The following PEX26 variants were observed in gnomAD, a reference collection of about 807,000 sequenced individuals.
PEX26 encodes peroxisome assembly protein 26.
A neutral mutation model predicts 31.4 loss-of-function variants in PEX26; 18 were observed. That is an observed-to-expected ratio of 0.57 (90% confidence interval 0.40 to 0.85). PEX26 has a LOEUF of 0.85. PEX26 is among the 40% of genes least tolerant of loss of function. The probability of loss-of-function intolerance (pLI) is 0.00; values close to 1 mark genes in which losing one functional copy is unlikely to be tolerated. For missense variants in PEX26, 377 were observed against 383.9 expected, an observed-to-expected ratio of 0.98 and a Z score of 0.15; for synonymous variants, 176 against 166.9, an observed-to-expected ratio of 1.05 and a Z score of -0.42.
Position 18,088,152 on chromosome 22 carries a change from C to A in PEX26, c.*77C>A. ...GCAGAGCGACAGAGCGACACATCCACAGGCGCCCCTGGGGAAATGGGACCA... is the reference window on the plus strand; with the variant it reads ...GCAGAGCGACAGAGCGACACATCCAAAGGCGCCCCTGGGGAAATGGGACCA... On this transcript the variant is annotated 3_prime_UTR_variant, in exon 5 of 5. Transcript: ENST00000399744. This position sits in a 1 kb window ranked among gnomAD's most constrained non-coding sequence, Gnocchi z 4.1. The A allele has an allele frequency of 1.0e-6, 1 of 981,992 alleles. No individual in the cohort carries two copies. The highest frequency in any genetic ancestry group is 1.6e-6 in the Non-Finnish European group (1 of 611,754). 60.8% of individuals were successfully genotyped at this position (981,992 alleles called of 1,614,324 possible). A position where few individuals can be genotyped will look rare whatever the true frequency, so the allele number is the denominator to read the frequency against.
chr22:18,087,393 T>A (rs1240555297), intron 4 of PEX26, among the ~76,000 whole-genome samples: 1 of 152,092 alleles, frequency 6.6e-6, no homozygotes, highest in African/African-American at 2.4e-5. Context: ...TTCCGTCACA[T>A]AGCTCAGAGT....
chr22:18,086,164 G>A (rs1926835677), intron 4 of PEX26, among the ~76,000 whole-genome samples: 1 of 151,934 alleles, frequency 6.6e-6, no homozygotes, highest in South Asian at 2.1e-4. Context: ...CAGGTGTGGT[G>A]GTGCGTGCCT....
intron 2 of PEX26, 53 bp from the exon 3 acceptor site, chr22:18,083,384 T>C: frequency 6.4e-7 from 1 of 1,568,286 alleles, no homozygotes; most frequent in Non-Finnish European, 8.8e-7. Flanking sequence ...AATGAACCAA[T>C]CATTGAGCAC....
intron 1 of PEX26, chr22:18,079,063 T>C (rs1926439542): frequency 9.8e-6 from 2 of 205,026 alleles, no homozygotes; most frequent in South Asian, 3.4e-4. Flanking sequence ...GGCCGGGAGC[T>C]GGGGCTTACG....
intron 2 of PEX26, chr22:18,081,478 G>T: frequency 6.5e-6 from 1 of 154,064 alleles, no homozygotes; most frequent in South Asian, 1.8e-4. Context: ...AAGGTGTTGG[G>T]ACTCTTGATG....
rs1482137285 is a variant in PEX26, at chr22:18,079,893, T to A, written c.250T>A (p.Ser84Thr). ...TGACAGCTCATTGGAGGTGAAGTGC[T>A]CCCTGTGTGTTGTGGGGATCCAGGC... ...PAGTSLEVKC[S>T]LCVVGIQALA... is the part of the protein sequence containing the mutation. The change falls in exon 2 of 5, where the codon TCC becomes ACC. Residue 84 changes from serine to threonine, a missense_variant. Physicochemically the swap from Ser to Thr is moderately conservative, Grantham distance 58 (BLOSUM62 1). Transcript: ENST00000399744. 6.8e-6 allele frequency: 11 copies of A among 1,614,094 alleles called. No homozygotes were observed. Among genetic ancestry groups the A allele is most frequent in the Non-Finnish European group, 9.3e-6 (11 of 1,180,004 alleles).
chr22:18,089,694 T>TTTTG lies in PEX26; in HGVS notation c.*1643_*1646dup, dbSNP rs375436648. 2.8e-4 allele frequency: 35 copies of TTTTG among 124,750 alleles called. No homozygotes were observed. Among genetic ancestry groups the TTTTG allele is most frequent in the East Asian group, 4.5e-4 (2 of 4,430 alleles). The allele number at this position is 124,750 out of a possible 1,614,324, so 7.7% of individuals were successfully genotyped here. A position where few individuals can be genotyped will look rare whatever the true frequency, so the allele number is the denominator to read the frequency against. On this transcript the variant is annotated 3_prime_UTR_variant, in exon 5 of 5. Transcript: ENST00000399744. Reference sequence around the variant, plus strand: ...TTGCAAGGCAACAAGTTTTCTTTTGTTTTGTTTGTTTGTTTGTTTGTTTGT... The same window carrying TTTTG: ...TTGCAAGGCAACAAGTTTTCTTTTGTTTTGTTTGTTTGTTTGTTTGTTTGTTTGT...
chr22:18,083,188 C>T (rs1022514539), intron 2 of PEX26, among the ~76,000 whole-genome samples: 1 of 152,156 alleles, frequency 6.6e-6, no homozygotes. Flanking sequence ...TGAATAAAAA[C>T]GGTCAAAGTA....
rs752154886 is a variant in PEX26 at position 18,090,598 on chromosome 22, C to G, written c.*2523C>G. On this transcript the variant is annotated 3_prime_UTR_variant, in exon 5 of 5. Transcript: ENST00000399744. ...ATTGTGAACTTCTTTGCTGCCCCTT[C>G]GAAGCTGGGGAGTGCTTGTTGCAGA... 1 of 152,248 alleles carries G rather than the reference C, an allele frequency of 6.6e-6. No homozygotes were observed. The highest frequency in any genetic ancestry group is 2.4e-5 in the African/African-American group (1 of 41,430). 9.4% of individuals were successfully genotyped at this position (152,248 alleles called of 1,614,324 possible). A position where few individuals can be genotyped will look rare whatever the true frequency, so the allele number is the denominator to read the frequency against.
At position 18,101,726 on chromosome 22, in the gene PEX26, G is replaced by A; in HGVS notation, c.*13651G>A. On this transcript the variant is annotated 3_prime_UTR_variant, in exon 5 of 5. Transcript: ENST00000399744. ...AAATCACCCTCTCCTTTAAGACCTG[G>A]CATTACAATGGCCTCATCCTGCATG... 3.8e-6 allele frequency: 1 copy of A among 265,706 alleles called. No homozygotes were observed. Among genetic ancestry groups the A allele is most frequent in the South Asian group, 6.2e-5 (1 of 16,212 alleles). 16.5% of individuals were successfully genotyped at this position (265,706 alleles called of 1,614,324 possible). A position where few individuals can be genotyped will look rare whatever the true frequency, so the allele number is the denominator to read the frequency against.
In PEX26 at chr22:18,105,118, A is replaced by G. The variant is rs953064155; in HGVS notation, c.*17043A>G. The G allele has an allele frequency of 6.6e-6, 1 of 152,208 alleles. No homozygotes were observed. Among genetic ancestry groups the G allele is most frequent in the Non-Finnish European group, 1.5e-5 (1 of 68,058 alleles). The allele number at this position is 152,208 out of a possible 1,614,324, so 9.4% of individuals were successfully genotyped here. A position where few individuals can be genotyped will look rare whatever the true frequency, so the allele number is the denominator to read the frequency against. On this transcript the variant is annotated 3_prime_UTR_variant, in exon 5 of 5. Transcript: ENST00000399744. ...CTTGTGTCTCATCCTCTGGGCTCCC[A>G]GCCTCCCTCAACATCATGACCTCCA... is the stretch of plus-strand genomic sequence containing the variant.
In PEX26 at chr22:18,078,879, A is replaced by C. The variant is rs566469465; in HGVS notation, c.230+273A>C. ...TGATGGGAAGGCTGAATGTGTATTA[A>C]GTGCTAAGTTCTGTCAGTAAGCAGG... On this transcript the variant is annotated intron_variant, in intron 1 of 4. Coordinates refer to ENST00000399744, the MANE Select transcript of PEX26 (RefSeq NM_001127649.3). 1.8e-4 allele frequency: 112 copies of C among 632,388 alleles called. 1 individual carries two copies. In the African/African-American group the frequency reaches 1.8e-3, roughly 10 times the overall value. The allele number at this position is 632,388 out of a possible 1,614,324, so 39.2% of individuals were successfully genotyped here.
intron 2 of PEX26, 147 bp downstream of exon 2, chr22:18,080,161 T>G: frequency 1.2e-6 from 1 of 821,198 alleles, no homozygotes; most frequent in Non-Finnish European, 2.1e-6. Flanking sequence ...CAGACTTCCA[T>G]ACATAGCAAT....
Position 18,087,994 on chromosome 22 carries a change from C to G in PEX26, c.837C>G (p.Phe279Leu), listed in dbSNP as rs1267429551. ...FDPASPSSLH[F>L]LYKLAQLFRW... ...CAGCTTCCCCTTCCTCCCTGCACTT[C>G]CTCTACAAGCTGGCCCAGCTCTTCC... The change falls in exon 5 of 5, where the codon TTC becomes TTG. Residue 279 changes from phenylalanine (F) to leucine (L), a missense_variant. Physicochemically the swap from Phe to Leu is conservative, Grantham distance 22. Transcript: ENST00000399744. The G allele has an allele frequency of 1.2e-6, 2 of 1,613,514 alleles. No individual in the cohort carries two copies. Among genetic ancestry groups the G allele is most frequent in the Non-Finnish European group, 1.7e-6 (2 of 1,179,650 alleles).
At position 18,098,212 on chromosome 22, in the gene PEX26, C is replaced by G. The variant is rs1927351872; in HGVS notation, c.*10137C>G. 1 of 151,446 alleles carries G rather than the reference C, an allele frequency of 6.6e-6. No individual in the cohort carries two copies. Among genetic ancestry groups the G allele is most frequent in the Non-Finnish European group, 1.5e-5 (1 of 67,810 alleles). 9.4% of individuals were successfully genotyped at this position (151,446 alleles called of 1,614,324 possible). ...GGCAACAGAGCGAGACTCTGTCTCA[C>G]ACATACACACACAAAAAAAGTATAA... On this transcript the variant is annotated 3_prime_UTR_variant, in exon 5 of 5. Transcript: ENST00000399744.
At position 18,088,402 on chromosome 22, in the gene PEX26, G is replaced by T; in HGVS notation, c.*327G>T. On this transcript the variant is annotated 3_prime_UTR_variant, in exon 5 of 5. Transcript: ENST00000399744. The surrounding 1 kb of genome is among the most constrained non-coding windows in gnomAD (Gnocchi z 4.1). ...ATCTTCTTGGTGAAGGCAAGGGGTT[G>T]GTTCTTCAGGTCAGGATGTTAATGG... 2.3e-6 allele frequency: 1 copy of T among 435,934 alleles called. No homozygotes were observed. Among genetic ancestry groups the T allele is most frequent in the South Asian group, 2.1e-5 (1 of 48,514 alleles). 27.0% of individuals were successfully genotyped at this position (435,934 alleles called of 1,614,324 possible). A position where few individuals can be genotyped will look rare whatever the true frequency, so the allele number is the denominator to read the frequency against.
rs1321537556 is a variant in PEX26, at chr22:18,098,210, CACACAT to C, written c.*10141_*10146del. The stretch of plus-strand genomic sequence containing the variant: ...TGGGCAACAGAGCGAGACTCTGTCT[CACACAT>C]ACACACACAAAAAAAGTATAAATAT... On this transcript the variant is annotated 3_prime_UTR_variant, in exon 5 of 5. Coordinates refer to ENST00000399744, the MANE Select transcript of PEX26 (RefSeq NM_001127649.3). 3.3e-5 allele frequency: 5 copies of C among 152,110 alleles called. No individual in the cohort carries two copies. The highest frequency in any genetic ancestry group is 6.6e-5 in the Admixed American group (1 of 15,264). The allele number at this position is 152,110 out of a possible 1,614,324, so 9.4% of individuals were successfully genotyped here.
In PEX26 at chr22:18,087,982, C is replaced by T. The variant is rs1926911137; in HGVS notation, c.825C>T (p.Ser275=). The change falls in exon 5 of 5, where the codon TCC becomes TCT. Residue 275 remains serine, a synonymous_variant. Transcript: ENST00000399744. ...CCCTCTGCCCTGCAGCTTCCCCTTC[C>T]TCCCTGCACTTCCTCTACAAGCTGG... ...LVVRFDPASP[S]SLHFLYKLAQ... is the part of the protein sequence containing the mutation. 2 of 1,611,298 alleles carry T rather than the reference C, an allele frequency of 1.2e-6. No homozygotes were observed. Among genetic ancestry groups the T allele is most frequent in the African/African-American group, 1.3e-5 (1 of 74,882 alleles).
rs985237610 is a variant in PEX26 at position 18,095,106 on chromosome 22, A to C, written c.*7031A>C. 1.3e-5 allele frequency: 2 copies of C among 152,176 alleles called. No individual in the cohort carries two copies. The highest frequency in any genetic ancestry group is 4.8e-5 in the African/African-American group (2 of 41,428). The allele number at this position is 152,176 out of a possible 1,614,324, so 9.4% of individuals were successfully genotyped here. On this transcript the variant is annotated 3_prime_UTR_variant, in exon 5 of 5. Transcript: ENST00000399744. ...ATGAACTTGGATTTTGGCCTTAGGAATTAGGGAAGGAAGAAATAGAAGCAG... is the reference window on the plus strand; with the variant it reads ...ATGAACTTGGATTTTGGCCTTAGGACTTAGGGAAGGAAGAAATAGAAGCAG...
Sources: allele counts gnomAD v4.1 joint callset (sites outside exome capture counted in the v4.1 genomes callset), GRCh38; gene constraint gnomAD v4.1.1; non-coding constraint Gnocchi (gnomAD v3.1); transcripts MANE v1.5; gene names NCBI Gene and HGNC (gene_info 2026-07-23, HGNC 2026-07-21).